SYT10: variants seen among roughly 807,000 people sequenced by gnomAD.
SYT10 encodes synaptotagmin-10.
SYT10 carries 31 observed loss-of-function variants against 51.1 expected under a neutral mutation model. The observed-to-expected ratio is 0.61, with a 90% CI of 0.46 to 0.82. The LOEUF is 0.82. Among genes scored for constraint, SYT10 ranks in the 40% least tolerant of loss-of-function variants. The probability of loss-of-function intolerance (pLI) is 0.00; values close to 1 mark genes in which losing one functional copy is unlikely to be tolerated. For synonymous variants in SYT10, 233 were observed against 225.9 expected (o/e 1.03, Z -0.28); for missense variants, 603 against 634.0 (o/e 0.95, Z 0.53).
intron 2 of SYT10, among the ~76,000 whole-genome samples, chr12:33,410,235 T>C (rs1866393979): frequency 6.6e-6 from 1 of 152,218 alleles, no homozygotes; most frequent in East Asian, 1.9e-4. Flanking sequence ...ATCAATATTA[T>C]GTGCATTAAT....
chr12:33,429,223 G>A (rs1289780679), intron 1 of SYT10, among the ~76,000 whole-genome samples: 1 of 152,224 alleles, frequency 6.6e-6, no homozygotes, highest in Non-Finnish European at 1.5e-5. Context: ...AAGAAAAAGA[G>A]AATAGTTCTG....
At position 33,439,582 on chromosome 12, in the gene SYT10, G is replaced by C; in HGVS notation, c.-60C>G. On this transcript the variant is annotated 5_prime_UTR_variant, in exon 1 of 7. Transcript: ENST00000228567. ...CAGTTAGCCGTCTTTTCCTCTTCCC[G>C]TACCTCTAACCCCTCTGGCGCCCTA... 1 of 1,582,510 alleles carries C rather than the reference G, an allele frequency of 6.3e-7. No homozygotes were observed. The highest frequency in any genetic ancestry group is 1.2e-5 in the South Asian group (1 of 86,398).
intron 5 of SYT10, 142 bp downstream of exon 5, chr12:33,382,207 A>G (rs1866121115): frequency 3.6e-6 from 3 of 842,666 alleles, no homozygotes; most frequent in Non-Finnish European, 5.0e-6. Context: ...TAACACAGAA[A>G]ACAATGAATT....
intron 2 of SYT10, among the ~76,000 whole-genome samples, chr12:33,416,733 A>G (rs1267372937): frequency 1.3e-5 from 2 of 152,132 alleles, no homozygotes; most frequent in African/African-American, 4.8e-5. Context: ...CCCTCTCATC[A>G]ACACTTCCTA....
At chr12:33,380,835 T>C (rs974387713) in intron 5 of SYT10, among the ~76,000 whole-genome samples, 4 of 152,224 alleles carry the variant, frequency 2.6e-5, no homozygotes, top group African/African-American at 9.6e-5. Context: ...GAATGGAATG[T>C]CATTGAAAGG....
chr12:33,423,991 C>A (rs1019491877), intron 2 of SYT10: 1 of 455,770 alleles, frequency 2.2e-6, no homozygotes, highest in African/African-American at 2.0e-5. Context: ...TTCTTTTCTT[C>A]TTCTTCTTTC....
intron 2 of SYT10, among the ~76,000 whole-genome samples, chr12:33,420,721 C>CAG (rs879273725): frequency 6.6e-5 from 10 of 152,104 alleles, no homozygotes; most frequent in Admixed American, 2.6e-4. Context: ...TTATAACTAC[C>CAG]AGAAAACAAA....
intron 1 of SYT10, among the ~76,000 whole-genome samples, chr12:33,432,016 C>T (rs1866600901): frequency 6.6e-6 from 1 of 151,988 alleles, no homozygotes; most frequent in South Asian, 2.1e-4. Flanking sequence ...AATTCTGAAT[C>T]AAAAAGCCAC....
At chr12:33,384,781 C>G (rs1866143299) in intron 4 of SYT10, among the ~76,000 whole-genome samples, 1 of 152,118 alleles carries the variant, frequency 6.6e-6, no homozygotes, top group Admixed American at 6.6e-5. Context: ...CCCTGCAGAT[C>G]AGGTGAGGGG....
chr12:33,391,278 G>A (rs1156325165), intron 3 of SYT10, among the ~76,000 whole-genome samples: 4 of 151,810 alleles, frequency 2.6e-5, no homozygotes, highest in African/African-American at 9.7e-5. Flanking sequence ...TTTTGTAAAT[G>A]TTTTCTAGAG....
intron 5 of SYT10, among the ~76,000 whole-genome samples, chr12:33,380,937 G>A (rs1010623790): frequency 6.6e-6 from 1 of 152,098 alleles, no homozygotes; most frequent in African/African-American, 2.4e-5. Flanking sequence ...ATGTAGATAT[G>A]TATATGTAGT....
rs1185627614 is a variant in SYT10 at position 33,417,008 on chromosome 12, A to G, written c.509+9130T>C. On this transcript the variant is annotated intron_variant, in intron 2 of 6. Transcript: ENST00000228567. ...TTGATGATGTGGTGGGAGCCTGTGG[A>G]AGGTTTCTGCCATTTGCTTCAATTT... 5.3e-5 allele frequency among the ~76,000 whole-genome samples: 8 copies of G among 152,130 alleles called. 1 individual carries two copies. Among genetic ancestry groups the G allele is most frequent in the Non-Finnish European group, 1.2e-4 (8 of 68,026 alleles).
At chr12:33,389,554 G>A (rs1425858433) in intron 3 of SYT10, among the ~76,000 whole-genome samples, 3 of 152,112 alleles carry the variant, frequency 2.0e-5, no homozygotes, top group African/African-American at 7.2e-5. Context: ...AGAGGCCATT[G>A]AAGTAAAGTT....
At chr12:33,391,391 A>C (rs1042850285) in intron 3 of SYT10, among the ~76,000 whole-genome samples, 5 of 152,166 alleles carry the variant, frequency 3.3e-5, no homozygotes, top group Non-Finnish European at 7.3e-5. Flanking sequence ...TAAATGATGA[A>C]AAATGAGTAA....
intron 2 of SYT10, among the ~76,000 whole-genome samples, chr12:33,424,968 A>C (rs188670988): frequency 1.1e-3 from 165 of 152,174 alleles, no homozygotes; most frequent in African/African-American, 3.8e-3. Flanking sequence ...CTTATCTCAA[A>C]GTTCCTTATC....
At chr12:33,428,169 G>A (rs1177753760) in intron 1 of SYT10, among the ~76,000 whole-genome samples, 2 of 152,202 alleles carry the variant, frequency 1.3e-5, no homozygotes, top group African/African-American at 4.8e-5. Flanking sequence ...ACAAGAATGT[G>A]ACTCAGTTTT....
At chr12:33,409,634 C>A (rs565666282) in intron 2 of SYT10, among the ~76,000 whole-genome samples, 1 of 152,042 alleles carries the variant, frequency 6.6e-6, no homozygotes, top group Admixed American at 6.5e-5. Context: ...CTCCCTCAGT[C>A]TTCCGAGTAG....
At chr12:33,424,957 CCTT>C (rs1217325455) in intron 2 of SYT10, among the ~76,000 whole-genome samples, 3 of 152,158 alleles carry the variant, frequency 2.0e-5, no homozygotes, top group Non-Finnish European at 4.4e-5. Flanking sequence ...CATCCCTCCT[CCTT>C]ATCTCAAAGT....
At chr12:33,397,742 G>A (rs1409166844) in intron 3 of SYT10, among the ~76,000 whole-genome samples, 6 of 152,182 alleles carry the variant, frequency 3.9e-5, no homozygotes, top group Middle Eastern at 3.4e-3. Context: ...CTAGGAAGAA[G>A]CCCAAGGAGC....
Sources: gnomAD v4.1 joint callset for allele counts (sites outside exome capture counted in the v4.1 genomes callset) on GRCh38, gnomAD v4.1.1 for gene constraint, MANE v1.5 for transcripts, NCBI Gene and HGNC (gene_info 2026-07-23, HGNC 2026-07-21) for gene names.